SHPRH: variants seen among roughly 807,000 people sequenced by gnomAD.
SHPRH encodes the protein E3 ubiquitin-protein ligase SHPRH.
SHPRH carries 106 observed loss-of-function variants against 202.5 expected under a neutral mutation model. The observed-to-expected ratio is 0.52, with a 90% CI of 0.45 to 0.62. The LOEUF is 0.62. SHPRH is among the 20% of genes least tolerant of loss of function. The pLI is 0.00. For synonymous variants in SHPRH, 729 were observed against 686.0 expected, an observed-to-expected ratio of 1.06 and a Z score of -0.98; for missense variants, 1,710 against 2,020.0, an observed-to-expected ratio of 0.85 and a Z score of 2.94.
chr6:145,960,009 T>C (rs142517108), intron 1 of SHPRH, among the ~76,000 whole-genome samples: 113 of 152,358 alleles, frequency 7.4e-4, no homozygotes, highest in Middle Eastern at 3.4e-3. Flanking sequence ...ATCAGTTAAC[T>C]ACTGCCACAA....
chr6:145,888,989 G>A (rs1781353610), intron 28 of SHPRH, among the ~76,000 whole-genome samples: 2 of 152,148 alleles, frequency 1.3e-5, no homozygotes. Context: ...GAAAGCTCAG[G>A]GTGGGAGTGA....
chr6:145,877,135 G>A (rs767377480), intron 2 of SHPRH, among the ~76,000 whole-genome samples: 4 of 152,180 alleles, frequency 2.6e-5, no homozygotes, highest in Non-Finnish European at 5.9e-5. Flanking sequence ...CTGCCAGACT[G>A]TTCATATGAG....
chr6:145,890,658 T>C (rs982062238), intron 28 of SHPRH, among the ~76,000 whole-genome samples: 3 of 152,148 alleles, frequency 2.0e-5, no homozygotes, highest in African/African-American at 7.2e-5. Context: ...CTAAACTCAC[T>C]CCTAGGTAAT....
At chr6:145,881,659 T>A (rs1780578731), downstream of SHPRH, 1 of 152,238 alleles carries the variant, frequency 6.6e-6, no homozygotes, top group African/African-American at 2.4e-5. Flanking sequence ...GTAAGTCCAC[T>A]GACTCCAGTT....
intron 28 of SHPRH, among the ~76,000 whole-genome samples, chr6:145,890,534 C>T (rs1248559779): frequency 6.6e-6 from 1 of 152,088 alleles, no homozygotes; most frequent in African/African-American, 2.4e-5. Context: ...CTTCCTAACT[C>T]ACTGTTTGAT....
At chr6:145,911,555 T>G (rs1005266723) in intron 24 of SHPRH, among the ~76,000 whole-genome samples, 1 of 152,206 alleles carries the variant, frequency 6.6e-6, no homozygotes, top group Non-Finnish European at 1.5e-5. Context: ...AGATTTAGTC[T>G]AGGTGTAAGT....
At chr6:145,881,231 T>C (rs1780553912), downstream of SHPRH, among the ~76,000 whole-genome samples, 1 of 152,194 alleles carries the variant, frequency 6.6e-6, no homozygotes. Flanking sequence ...TTGTTGTTGT[T>C]TGTATTAGTC....
intron 22 of SHPRH, chr6:145,919,131 C>A (rs1024256128): frequency 7.7e-5 from 39 of 508,748 alleles, no homozygotes; most frequent in Non-Finnish European, 6.6e-6. Flanking sequence ...CAAGATGCCC[C>A]AAAATAGTGA....
In SHPRH at chr6:145,875,278, T is replaced by C. The variant is rs1780249353; in HGVS notation, c.222-10787A>G. Among the ~76,000 whole-genome samples the C allele has an allele frequency of 2.0e-5, 3 of 151,832 alleles. 1 individual carries two copies. The highest frequency in any genetic ancestry group is 2.0e-4 in the Admixed American group (3 of 15,218). ...TGGTTGTCAAAGCTTGGGGGTGGAG[T>C]ATGTTTCTGGCATCTAATGGGTAGA... On this transcript the variant is annotated intron_variant, in intron 2 of 2. Coordinates refer to the SHPRH transcript ENST00000417762.
intron 1 of SHPRH, among the ~76,000 whole-genome samples, chr6:145,963,445 A>G (rs1351512691): frequency 6.6e-6 from 1 of 152,232 alleles, no homozygotes; most frequent in Non-Finnish European, 1.5e-5. Flanking sequence ...AAAGGGCACA[A>G]GCTTCCTGGT....
intron 25 of SHPRH, among the ~76,000 whole-genome samples, chr6:145,896,562 A>G (rs1468105346): frequency 6.6e-6 from 1 of 152,066 alleles, no homozygotes; most frequent in Non-Finnish European, 1.5e-5. Context: ...TGGCCAGTTC[A>G]GTGGTAGTGC....
intron 2 of SHPRH, among the ~76,000 whole-genome samples, chr6:145,954,414 C>T (rs1369057132): frequency 1.3e-5 from 2 of 151,968 alleles, no homozygotes; most frequent in South Asian, 2.1e-4. Flanking sequence ...AAATAGCAAA[C>T]AGATAAATGG....
At chr6:145,945,730 T>A in intron 7 of SHPRH, 93 bp from the exon 8 acceptor site, 3 of 1,304,796 alleles carry the variant, frequency 2.3e-6, no homozygotes, top group Non-Finnish European at 3.0e-6. Flanking sequence ...AGGACTGAGT[T>A]AAGAAAGAAA....
At chr6:145,881,814 G>T (rs1780591227), downstream of SHPRH, among the ~76,000 whole-genome samples, 1 of 151,978 alleles carries the variant, frequency 6.6e-6, no homozygotes, top group Non-Finnish European at 1.5e-5. Context: ...GAAAGGAAGG[G>T]AAAAAAAGAG....
intron 18 of SHPRH, 109 bp from the exon 19 acceptor site, chr6:145,922,945 G>GTTT (rs34616835): frequency 2.1e-3 from 2,028 of 950,330 alleles, no homozygotes; most frequent in African/African-American, 3.0e-3. Context: ...ACTGTTTGCT[G>GTTT]TTTTTTTTTT....
chr6:145,957,833 T>C (rs1013598365), intron 1 of SHPRH, among the ~76,000 whole-genome samples: 1 of 152,154 alleles, frequency 6.6e-6, no homozygotes, highest in Non-Finnish European at 1.5e-5. Flanking sequence ...TAGGTATTTA[T>C]CCAAGAGAAA....
chr6:145,862,706 G>C (rs2083149763), downstream of SHPRH: 1 of 152,256 alleles, frequency 6.6e-6, no homozygotes, highest in Non-Finnish European at 1.5e-5. Context: ...CTGTCAAACT[G>C]TTCTGAATGT....
intron 25 of SHPRH, among the ~76,000 whole-genome samples, chr6:145,897,076 G>GA (rs1157010409): frequency 6.6e-6 from 1 of 151,038 alleles, no homozygotes; most frequent in African/African-American, 2.4e-5. Context: ...ATAGAGATCA[G>GA]AAAAAAAATT....
intron 28 of SHPRH, among the ~76,000 whole-genome samples, chr6:145,892,142 T>C (rs928995746): frequency 1.3e-5 from 2 of 152,184 alleles, no homozygotes; most frequent in Admixed American, 6.5e-5. Flanking sequence ...CTCCTGCCGA[T>C]GATCTCTTTC....
Sources: gnomAD v4.1 joint callset for allele counts (sites outside exome capture counted in the v4.1 genomes callset) on GRCh38, gnomAD v4.1.1 for gene constraint, MANE v1.5 for transcripts, NCBI Gene and HGNC (gene_info 2026-07-23, HGNC 2026-07-21) for gene names.